Variants in NR3C2 observed in about 807,000 individuals in gnomAD.
NR3C2 encodes nuclear receptor subfamily 3 group C member 2, also known as mineralocorticoid receptor.
NR3C2 carries 15 observed loss-of-function variants against 86.4 expected under a neutral mutation model. The ratio of observed to expected loss-of-function variants is 0.17; its 90% CI spans 0.12 to 0.27. The LOEUF (loss-of-function observed/expected upper bound fraction) is 0.27. Among genes scored for constraint, NR3C2 ranks in the 10% least tolerant of loss-of-function variants. NR3C2 has a pLI of 1.00. For missense variants in NR3C2, 960 were observed against 1,195.6 expected (o/e 0.80, Z 2.91); for synonymous variants, 458 against 450.5 (o/e 1.02, Z -0.21).
intron 2 of NR3C2, among the ~76,000 whole-genome samples, chr4:148,270,005 G>A (rs1003160177): frequency 1.3e-5 from 2 of 151,830 alleles, no homozygotes; most frequent in South Asian, 2.1e-4. Context: ...GGCATGAGAC[G>A]CTGAGGACTG....
chr4:148,320,647 T>C (rs1211333064), intron 2 of NR3C2, among the ~76,000 whole-genome samples: 4 of 151,850 alleles, frequency 2.6e-5, no homozygotes, highest in African/African-American at 7.3e-5. Flanking sequence ...CTTCTAGATT[T>C]TCTAGTTTAT....
At chr4:148,326,140 A>T (rs1204677788) in intron 2 of NR3C2, among the ~76,000 whole-genome samples, 1 of 151,908 alleles carries the variant, frequency 6.6e-6, no homozygotes, top group Admixed American at 6.6e-5. Flanking sequence ...CCTGTAATCC[A>T]AGCACTTTGG....
At chr4:148,142,687 G>A (rs368709861) in intron 6 of NR3C2, among the ~76,000 whole-genome samples, 1 of 152,102 alleles carries the variant, frequency 6.6e-6, no homozygotes, top group Non-Finnish European at 1.5e-5. Flanking sequence ...GTAGAGACAG[G>A]GTTTCACCAT....
intron 6 of NR3C2, among the ~76,000 whole-genome samples, chr4:148,149,712 AAGAC>A (rs936496441): frequency 4.6e-5 from 7 of 152,230 alleles, no homozygotes; most frequent in Admixed American, 4.6e-4. Context: ...CAAGTACAAA[AAGAC>A]ATACAATCCA....
Position 148,216,053 on chromosome 4 carries a change from G to A in NR3C2, c.1898-21191C>T, listed in dbSNP as rs1259318160. On this transcript the variant is annotated intron_variant, in intron 3 of 8. Coordinates refer to ENST00000358102, the MANE Select transcript of NR3C2 (RefSeq NM_000901.5). ...TTCAACCGCCTTGGCCTCCCAAAGT[G>A]TGAGACATAGTTTCTGTCACAACTA... 2.0e-5 allele frequency among the ~76,000 whole-genome samples: 3 copies of A among 152,096 alleles called. No homozygotes were observed. In the East Asian group the frequency reaches 5.8e-4, roughly 29 times the overall value.
intron 8 of NR3C2, among the ~76,000 whole-genome samples, chr4:148,108,717 A>C (rs1018168613): frequency 1.3e-5 from 2 of 151,972 alleles, no homozygotes; most frequent in Non-Finnish European, 2.9e-5. Context: ...TCCAGGTCTA[A>C]TGGTCGTACA....
intron 3 of NR3C2, among the ~76,000 whole-genome samples, chr4:148,234,151 T>A (rs1292778085): frequency 6.6e-6 from 1 of 152,222 alleles, no homozygotes; most frequent in Non-Finnish European, 1.5e-5. Context: ...GCAAGTTTGG[T>A]TTCTGTCATG....
At chr4:148,174,106 T>G (rs1735259879) in intron 4 of NR3C2, among the ~76,000 whole-genome samples, 1 of 152,224 alleles carries the variant, frequency 6.6e-6, no homozygotes, top group South Asian at 2.1e-4. Context: ...TTTTGTTTAT[T>G]AAAAAAATAA....
At chr4:148,281,292 ATG>A (rs1300104216) in intron 2 of NR3C2, among the ~76,000 whole-genome samples, 1 of 152,210 alleles carries the variant, frequency 6.6e-6, no homozygotes, top group Non-Finnish European at 1.5e-5. Flanking sequence ...TTATACGTAA[ATG>A]CAGGGAAAAC....
chr4:148,123,651 C>T (rs922984952), intron 6 of NR3C2, among the ~76,000 whole-genome samples: 1 of 152,228 alleles, frequency 6.6e-6, no homozygotes, highest in Non-Finnish European at 1.5e-5. Context: ...TATTTCTCAG[C>T]TGGCCAACAC....
chr4:148,397,115 ACT>A (rs1747897227), intron 2 of NR3C2, among the ~76,000 whole-genome samples: 1 of 152,222 alleles, frequency 6.6e-6, no homozygotes, highest in African/African-American at 2.4e-5. Flanking sequence ...AGCTGCTTTC[ACT>A]CAACATCCTT....
At chr4:148,284,293 A>G (rs757637940) in intron 2 of NR3C2, among the ~76,000 whole-genome samples, 8 of 152,112 alleles carry the variant, frequency 5.3e-5, no homozygotes, top group African/African-American at 7.2e-5. Context: ...AGGAGTTGAT[A>G]GGCTTATAAG....
chr4:148,180,797 C>T (rs530405519), intron 4 of NR3C2, among the ~76,000 whole-genome samples: 2 of 152,064 alleles, frequency 1.3e-5, no homozygotes, highest in Admixed American at 6.6e-5. Flanking sequence ...TTTTATTGGC[C>T]CGTTAATATT....
At chr4:148,102,224 C>G (rs530848688) in intron 8 of NR3C2, among the ~76,000 whole-genome samples, 1 of 152,304 alleles carries the variant, frequency 6.6e-6, no homozygotes, top group African/African-American at 2.4e-5. Context: ...TCTGGACCCT[C>G]TTCCGTTCTG....
chr4:148,130,411 G>C (rs1732964981), intron 6 of NR3C2, among the ~76,000 whole-genome samples: 1 of 152,156 alleles, frequency 6.6e-6, no homozygotes, highest in Non-Finnish European at 1.5e-5. Flanking sequence ...ACTGTACCTT[G>C]TCAACTAAAT....
chr4:148,231,063 C>G (rs1738435861), intron 3 of NR3C2, among the ~76,000 whole-genome samples: 1 of 152,186 alleles, frequency 6.6e-6, no homozygotes, highest in African/African-American at 2.4e-5. Flanking sequence ...TCCTACTTGT[C>G]AAGGTAATTT....
chr4:148,238,767 C>A (rs1241211626), intron 3 of NR3C2, among the ~76,000 whole-genome samples: 1 of 152,094 alleles, frequency 6.6e-6, no homozygotes, highest in African/African-American at 2.4e-5. Context: ...GATAGAGTCC[C>A]TCTCTGCTTT....
chr4:148,178,754 C>A (rs1735504413), intron 4 of NR3C2, among the ~76,000 whole-genome samples: 1 of 151,300 alleles, frequency 6.6e-6, no homozygotes, highest in Non-Finnish European at 1.5e-5. Context: ...GGTGACTGAC[C>A]AGTTAATCTG....
intron 2 of NR3C2, among the ~76,000 whole-genome samples, chr4:148,317,217 A>G (rs1475945880): frequency 6.6e-6 from 1 of 151,990 alleles, no homozygotes; most frequent in African/African-American, 2.4e-5. Context: ...TAGAAAAAAG[A>G]CATGGCACAT....
Sources: gnomAD v4.1 joint callset for allele counts (sites outside exome capture counted in the v4.1 genomes callset) on GRCh38, gnomAD v4.1.1 for gene constraint, MANE v1.5 for transcripts, NCBI Gene and HGNC (gene_info 2026-07-23, HGNC 2026-07-21) for gene names.